Variants in CADM1 observed in about 807,000 individuals in gnomAD.
The protein encoded by CADM1 is cell adhesion molecule 1, also known as TSLC-1.
In CADM1, 15 loss-of-function variants were observed where a neutral mutation model predicts 53.1. The observed-to-expected ratio is 0.28, with a 90% CI of 0.19 to 0.44. The LOEUF is 0.44. Among genes scored for constraint, CADM1 ranks in the 20% least tolerant of loss-of-function variants. The pLI is 1.00. For synonymous variants in CADM1, 281 were observed against 243.0 expected (o/e 1.16, Z -1.45); for missense variants, 434 against 611.3 (o/e 0.71, Z 3.06).
intron 10 of CADM1, among the ~76,000 whole-genome samples, chr11:115,186,778 T>C (rs1939575892): frequency 6.6e-6 from 1 of 152,232 alleles, no homozygotes; most frequent in African/African-American, 2.4e-5. Flanking sequence ...GACCTCCACC[T>C]TCTTCCAGCC....
rs554479264 is a variant in CADM1, at chr11:115,428,784, T to C, written c.124+75487A>G. Among the ~76,000 whole-genome samples, 306 of 149,336 alleles carry C rather than the reference T, an allele frequency of 2.0e-3. 3 individuals are homozygous for C. The highest frequency in any genetic ancestry group is 4.5e-3 in the Admixed American group (67 of 14,970). ...AAAACTAGCAGTGTGTGTGTGCGTGTGTGTGTGTGTGTGTACGTGTGTGCG... is the reference window on the plus strand; with the variant it reads ...AAAACTAGCAGTGTGTGTGTGCGTGCGTGTGTGTGTGTGTACGTGTGTGCG... On this transcript the variant is annotated intron_variant, in intron 1 of 11. Coordinates refer to ENST00000331581, the MANE Select transcript of CADM1 (RefSeq NM_001301043.2).
intron 1 of CADM1, among the ~76,000 whole-genome samples, chr11:115,295,619 G>T (rs1944058386): frequency 1.4e-5 from 2 of 143,038 alleles, no homozygotes; most frequent in African/African-American, 5.1e-5. Context: ...TTCTTAAAAG[G>T]CTTCAATTAC....
At chr11:115,313,338 G>A (rs1170548069) in intron 1 of CADM1, among the ~76,000 whole-genome samples, 1 of 152,102 alleles carries the variant, frequency 6.6e-6, no homozygotes, top group African/African-American at 2.4e-5. Flanking sequence ...CCATTCAAAT[G>A]TTAATTTATC....
chr11:115,283,780 C>T lies in CADM1; in HGVS notation c.125-43360G>A, dbSNP rs138813517. ...AAGACTAGGCAAGGTCTGGGCAAGG[C>T]TCCCACAGGGCCCTGTGCCACCTGT... On this transcript the variant is annotated intron_variant, in intron 1 of 11. Coordinates refer to ENST00000331581, the MANE Select transcript of CADM1 (RefSeq NM_001301043.2). Among the ~76,000 whole-genome samples the T allele has an allele frequency of 7.5e-3, 1,135 of 152,276 alleles. 17 individuals carry two copies. Among genetic ancestry groups the T allele is most frequent in the African/African-American group, 0.026 (1,060 of 41,554 alleles).
chr11:115,431,293 T>C (rs1053840770), intron 1 of CADM1, among the ~76,000 whole-genome samples: 1 of 152,130 alleles, frequency 6.6e-6, no homozygotes, highest in African/African-American at 2.4e-5. Flanking sequence ...TAACGGCCCA[T>C]ACCCAGCCCA....
At chr11:115,383,086 T>C (rs1365665692) in intron 1 of CADM1, among the ~76,000 whole-genome samples, 1 of 152,256 alleles carries the variant, frequency 6.6e-6, no homozygotes, top group Non-Finnish European at 1.5e-5. Flanking sequence ...TATTAACTTT[T>C]GCTTCTTTAA....
intron 1 of CADM1, among the ~76,000 whole-genome samples, chr11:115,415,490 T>G (rs187053253): frequency 6.6e-6 from 1 of 151,920 alleles, no homozygotes; most frequent in Admixed American, 6.6e-5. Context: ...GCAAGGCAAA[T>G]AAGGAATATG....
At chr11:115,470,111 C>T (rs1199561530) in intron 1 of CADM1, among the ~76,000 whole-genome samples, 1 of 152,216 alleles carries the variant, frequency 6.6e-6, no homozygotes, top group Non-Finnish European at 1.5e-5. Flanking sequence ...GTAATGCCTA[C>T]ACTGTGAGAT....
At chr11:115,475,048 A>C (rs563629377) in intron 1 of CADM1, among the ~76,000 whole-genome samples, 1 of 152,232 alleles carries the variant, frequency 6.6e-6, no homozygotes, top group African/African-American at 2.4e-5. Flanking sequence ...GTTGTCCCTC[A>C]GTATTCATGA....
chr11:115,310,580 C>T (rs756635445), intron 1 of CADM1, among the ~76,000 whole-genome samples: 5 of 152,072 alleles, frequency 3.3e-5, no homozygotes, highest in Admixed American at 3.3e-4. Context: ...GATTTGCTGT[C>T]GGTGAAACCC....
chr11:115,238,797 C>A lies in CADM1; in HGVS notation c.272-145G>T, dbSNP rs984598183. ...GCAGTAACTTCATGTAGACAAATAA[C>A]CTTGTCCAAAGGAAACTTACACATA... is the stretch of plus-strand genomic sequence containing the variant. On this transcript the variant is annotated intron_variant, in intron 2 of 11. Coordinates refer to ENST00000331581, the MANE Select transcript of CADM1 (RefSeq NM_001301043.2). 1.6e-5 allele frequency: 13 copies of A among 807,090 alleles called. No homozygotes were observed. The Admixed American group carries it at 2.0e-4, about 12-fold the overall frequency. The allele number at this position is 807,090 out of a possible 1,614,324, so 50.0% of individuals were successfully genotyped here.
At chr11:115,406,632 T>C (rs1947320438) in intron 1 of CADM1, among the ~76,000 whole-genome samples, 1 of 149,278 alleles carries the variant, frequency 6.7e-6, no homozygotes, top group Non-Finnish European at 1.5e-5. Context: ...AGGTTATATA[T>C]TACTAAGCAA....
intron 1 of CADM1, among the ~76,000 whole-genome samples, chr11:115,357,463 T>C (rs1945907070): frequency 6.6e-6 from 1 of 152,126 alleles, no homozygotes; most frequent in Non-Finnish European, 1.5e-5. Context: ...TAAAAATCTA[T>C]ACAGGCCATA....
chr11:115,198,319 C>A, intron 9 of CADM1, 87 bp downstream of exon 9: 1 of 996,282 alleles, frequency 1.0e-6, no homozygotes. Context: ...CATGATTTCC[C>A]TTGAAGACTA....
At chr11:115,209,322 C>G (rs7125361) in intron 8 of CADM1, among the ~76,000 whole-genome samples, 69,624 of 152,026 alleles carry the variant, frequency 0.46, 16,174 homozygotes, top group Admixed American at 0.53. Flanking sequence ...ATTTTGCTTT[C>G]AATAGTGATG....
intron 1 of CADM1, among the ~76,000 whole-genome samples, chr11:115,248,289 G>A (rs2134958018): frequency 6.6e-6 from 1 of 152,308 alleles, no homozygotes; most frequent in East Asian, 1.9e-4. Flanking sequence ...TAGCATCCCT[G>A]CCTGTACTAT....
chr11:115,208,370 C>T (rs1380154214), intron 8 of CADM1, among the ~76,000 whole-genome samples: 1 of 152,178 alleles, frequency 6.6e-6, no homozygotes, highest in Admixed American at 6.5e-5. Context: ...GATGAGGCCT[C>T]CTCTTTCTTT....
At chr11:115,500,165 T>C (rs984509692) in intron 1 of CADM1, among the ~76,000 whole-genome samples, 5 of 152,226 alleles carry the variant, frequency 3.3e-5, no homozygotes, top group African/African-American at 1.2e-4. Context: ...AAGAAAAACG[T>C]ACAGCATTTG....
intron 1 of CADM1, among the ~76,000 whole-genome samples, chr11:115,502,972 C>G (rs1949762607): frequency 6.6e-6 from 1 of 152,200 alleles, no homozygotes; most frequent in Admixed American, 6.5e-5. Flanking sequence ...GCTCCCGGGT[C>G]CTGCAGCTCT....
Sources: gnomAD v4.1 joint callset for allele counts (sites outside exome capture counted in the v4.1 genomes callset) on GRCh38, gnomAD v4.1.1 for gene constraint, MANE v1.5 for transcripts, NCBI Gene and HGNC (gene_info 2026-07-23, HGNC 2026-07-21) for gene names.